The following RARB variants were observed in gnomAD, a reference collection of about 807,000 sequenced individuals.
RARB encodes the protein HBV-activated protein.
A neutral mutation model predicts 51.9 loss-of-function variants in RARB; 17 were observed. The ratio of observed to expected loss-of-function variants is 0.33; its 90% CI spans 0.22 to 0.49. The LOEUF is 0.49. Ranked by LOEUF, RARB falls within the 20% of genes least tolerant of loss-of-function variation. The probability of loss-of-function intolerance (pLI) is 0.99; values close to 1 mark genes in which losing one functional copy is unlikely to be tolerated. For missense variants in RARB, 369 were observed against 550.8 expected (o/e 0.67, Z 3.30); for synonymous variants, 215 against 195.4 (o/e 1.10, Z -0.84).
intron 2 of RARB, among the ~76,000 whole-genome samples, chr3:24,894,380 C>T (rs552420305): frequency 2.7e-5 from 4 of 148,358 alleles, no homozygotes; most frequent in Non-Finnish European, 5.9e-5. Context: ...GTTTTCTGTT[C>T]CTATGTTACT....
chr3:24,901,242 T>C (rs1703598576), intron 2 of RARB, among the ~76,000 whole-genome samples: 1 of 152,210 alleles, frequency 6.6e-6, no homozygotes, highest in Admixed American at 6.5e-5. Flanking sequence ...CAATTGTCAA[T>C]GAATGATTGG....
In RARB at chr3:25,433,504, T is replaced by A. The variant is rs1394989068; in HGVS notation, c.157+4616T>A. 3.9e-5 allele frequency among the ~76,000 whole-genome samples: 6 copies of A among 152,346 alleles called. No homozygotes were observed. In the East Asian group the frequency reaches 9.6e-4, roughly 24 times the overall value. On this transcript the variant is annotated intron_variant, in intron 1 of 7. Coordinates refer to ENST00000330688, the MANE Select transcript of RARB (RefSeq NM_000965.5). ...TGTGATTCTCACTCTAGCACCTGTGTGTGCGTGGACAGGGTGGGGAGGAGG... is the reference window on the plus strand; with the variant it reads ...TGTGATTCTCACTCTAGCACCTGTGAGTGCGTGGACAGGGTGGGGAGGAGG...
intron 5 of RARB, among the ~76,000 whole-genome samples, chr3:25,591,145 A>G (rs1701595367): frequency 6.6e-6 from 1 of 152,214 alleles, no homozygotes; most frequent in East Asian, 1.9e-4. Flanking sequence ...CGACCCATCA[A>G]ATGAAGAGAG....
intron 3 of RARB, among the ~76,000 whole-genome samples, chr3:25,075,089 C>T (rs1405509220): frequency 6.6e-6 from 1 of 152,176 alleles, no homozygotes; most frequent in African/African-American, 2.4e-5. Flanking sequence ...AAAACATCCT[C>T]TATGCTTAGC....
chr3:25,086,864 C>A (rs73141467), intron 3 of RARB, among the ~76,000 whole-genome samples: 12,313 of 152,108 alleles, frequency 0.081, 1,006 homozygotes, highest in African/African-American at 0.2. Context: ...ATAAAGCCTC[C>A]GCATAGCCTG....
upstream of RARB, among the ~76,000 whole-genome samples, chr3:25,424,113 G>A (rs1707926912): frequency 6.6e-6 from 1 of 152,196 alleles, no homozygotes; most frequent in African/African-American, 2.4e-5. Flanking sequence ...GAGAGCTGAA[G>A]AGAAAAGAGC....
chr3:24,966,536 C>T (rs539185930), intron 2 of RARB, among the ~76,000 whole-genome samples: 360 of 151,340 alleles, frequency 2.4e-3, no homozygotes, highest in Admixed American at 4.1e-3. Context: ...CACACTCCTT[C>T]GTCTGATTAA....
At chr3:25,056,559 GT>G in intron 2 of RARB, among the ~76,000 whole-genome samples, 1 of 152,210 alleles carries the variant, frequency 6.6e-6, no homozygotes, top group Middle Eastern at 3.4e-3. Flanking sequence ...CTTGCCACAT[GT>G]TTTAAAAGTT....
intron 2 of RARB, among the ~76,000 whole-genome samples, chr3:25,044,420 G>C (rs1338718717): frequency 6.6e-6 from 1 of 152,054 alleles, no homozygotes; most frequent in Non-Finnish European, 1.5e-5. Context: ...ATTAATATGT[G>C]TTAAATTGTT....
At chr3:25,197,635 T>C (rs1380814316) in intron 5 of RARB, among the ~76,000 whole-genome samples, 2 of 151,982 alleles carry the variant, frequency 1.3e-5, no homozygotes, top group Non-Finnish European at 2.9e-5. Context: ...AGCATTTCTA[T>C]ATATCAATAG....
chr3:25,326,183 T>A (rs556321600), intron 5 of RARB, among the ~76,000 whole-genome samples: 1 of 152,234 alleles, frequency 6.6e-6, no homozygotes, highest in Non-Finnish European at 1.5e-5. Flanking sequence ...AAGATATTGC[T>A]GTATATCTCC....
intron 2 of RARB, among the ~76,000 whole-genome samples, chr3:25,493,142 A>G (rs1696829388): frequency 6.6e-6 from 1 of 151,838 alleles, no homozygotes; most frequent in Admixed American, 6.6e-5. Context: ...TTTTCATTAC[A>G]TTTATGCCCA....
intron 5 of RARB, among the ~76,000 whole-genome samples, chr3:25,183,582 A>T (rs1331797288): frequency 6.6e-6 from 1 of 152,202 alleles, no homozygotes; most frequent in Non-Finnish European, 1.5e-5. Flanking sequence ...TTCAAGTTTC[A>T]GTCACCGAGG....
chr3:24,870,550 C>T (rs1332620906), intron 2 of RARB, among the ~76,000 whole-genome samples: 2 of 151,990 alleles, frequency 1.3e-5, no homozygotes, highest in African/African-American at 4.8e-5. Flanking sequence ...GCAGTTTAAG[C>T]CTTCTACCTA....
At chr3:25,203,043 T>G (rs1701437619) in intron 5 of RARB, among the ~76,000 whole-genome samples, 1 of 151,416 alleles carries the variant, frequency 6.6e-6, no homozygotes, top group Non-Finnish European at 1.5e-5. Flanking sequence ...GGTGTTAGTT[T>G]CCATTATTAT....
chr3:24,979,005 A>T (rs1176206650), intron 2 of RARB, among the ~76,000 whole-genome samples: 1 of 152,094 alleles, frequency 6.6e-6, no homozygotes, highest in Admixed American at 6.5e-5. Flanking sequence ...TAATTTCATT[A>T]TTTACCCAGT....
rs566460360 is a variant in RARB, at chr3:25,194,579, A to G, written c.178+20004A>G. Among the ~76,000 whole-genome samples, 388 of 151,192 alleles carry G rather than the reference A, an allele frequency of 2.6e-3. 2 individuals carry two copies. Among genetic ancestry groups the G allele is most frequent in the Middle Eastern group, 0.01 (3 of 288 alleles). On this transcript the variant is annotated intron_variant, in intron 5 of 11. Coordinates refer to the RARB transcript ENST00000383772. ...ACACCTTAAATACATACAATTTAAT[A>G]AAAAGATTACCCGGAAGTAAAAGGC...
At chr3:25,291,476 C>CTTTTTTTTT (rs199605013) in intron 5 of RARB, among the ~76,000 whole-genome samples, 1 of 125,378 alleles carries the variant, frequency 8.0e-6, no homozygotes. Context: ...CAGATGTTTG[C>CTTTTTTTTT]TTTTTTTTTT....
chr3:24,883,404 C>G (rs1405737778), intron 2 of RARB, among the ~76,000 whole-genome samples: 2 of 115,272 alleles, frequency 1.7e-5, no homozygotes, highest in African/African-American at 5.6e-5. Context: ...GTTTAAACCA[C>G]TAAAGGAATA....
Sources: gnomAD v4.1 joint callset for allele counts (sites outside exome capture counted in the v4.1 genomes callset) on GRCh38, gnomAD v4.1.1 for gene constraint, MANE v1.5 for transcripts, NCBI Gene and HGNC (gene_info 2026-07-23, HGNC 2026-07-21) for gene names.